The following FSTL5 variants were observed in gnomAD, a reference collection of about 807,000 sequenced individuals.
FSTL5 encodes the protein follistatin-related protein 5.
A neutral mutation model predicts 89.1 loss-of-function variants in FSTL5; 62 were observed. The observed-to-expected ratio is 0.70, with a 90% CI of 0.57 to 0.86. The LOEUF is 0.86. FSTL5 is among the 40% of genes least tolerant of loss of function. The pLI is 0.00. For missense variants in FSTL5, 1,057 were observed against 1,001.6 expected (o/e 1.06, Z -0.75); for synonymous variants, 383 against 346.2 (o/e 1.11, Z -1.18).
intron 2 of FSTL5, among the ~76,000 whole-genome samples, chr4:162,090,709 T>C (rs1730516053): frequency 6.6e-6 from 1 of 151,898 alleles, no homozygotes; most frequent in South Asian, 2.1e-4. Flanking sequence ...TAATCCCAAC[T>C]ACTTGGGTGG....
At chr4:161,842,496 T>C (rs530404330) in intron 4 of FSTL5, among the ~76,000 whole-genome samples, 4 of 152,294 alleles carry the variant, frequency 2.6e-5, no homozygotes, top group African/African-American at 4.8e-5. Flanking sequence ...TTACCATACA[T>C]TTTATTTCAA....
At chr4:162,055,836 A>C (rs1470208345) in intron 2 of FSTL5, among the ~76,000 whole-genome samples, 1 of 151,912 alleles carries the variant, frequency 6.6e-6, no homozygotes, top group Non-Finnish European at 1.5e-5. Flanking sequence ...GTGGCACTGC[A>C]AGTCACTGGG....
At chr4:161,726,227 C>CTTTTTT (rs5863477) in intron 6 of FSTL5, among the ~76,000 whole-genome samples, 46 of 113,668 alleles carry the variant, frequency 4.0e-4, no homozygotes, top group African/African-American at 6.9e-4. Context: ...TTTTCTTTTT[C>CTTTTTT]TTTTTTTTTT....
chr4:161,674,060 A>G (rs1737215853), intron 6 of FSTL5, among the ~76,000 whole-genome samples: 1 of 152,040 alleles, frequency 6.6e-6, no homozygotes, highest in Non-Finnish European at 1.5e-5. Context: ...AAGGAAACAG[A>G]AGGGTTACTG....
intron 11 of FSTL5, among the ~76,000 whole-genome samples, chr4:161,500,761 T>G (rs991943487): frequency 2.0e-5 from 3 of 152,186 alleles, no homozygotes; most frequent in African/African-American, 4.8e-5. Context: ...AATGTTTAAA[T>G]CATACTTTTC....
chr4:161,455,562 A>C (rs1229402802), intron 14 of FSTL5, among the ~76,000 whole-genome samples: 5 of 152,166 alleles, frequency 3.3e-5, no homozygotes, highest in Non-Finnish European at 7.4e-5. Context: ...TTAAATTTTT[A>C]AAATCTTGGA....
At chr4:162,002,540 C>A (rs1243633626) in intron 3 of FSTL5, among the ~76,000 whole-genome samples, 1 of 152,122 alleles carries the variant, frequency 6.6e-6, no homozygotes, top group African/African-American at 2.4e-5. Flanking sequence ...AAACAACTGG[C>A]TAACAATGCA....
chr4:161,644,526 CA>C (rs34645648), intron 7 of FSTL5, among the ~76,000 whole-genome samples: 167 of 133,788 alleles, frequency 1.2e-3, no homozygotes, highest in South Asian at 2.1e-3. Context: ...AACTCTGTCT[CA>C]AAAAAAAAAA....
chr4:162,015,124 G>A (rs1313842341), intron 3 of FSTL5, among the ~76,000 whole-genome samples: 1 of 152,120 alleles, frequency 6.6e-6, no homozygotes, highest in African/African-American at 2.4e-5. Context: ...CACAGAGGTA[G>A]AACTTACAGA....
intron 6 of FSTL5, among the ~76,000 whole-genome samples, chr4:161,664,095 T>C (rs1490270901): frequency 1.3e-5 from 2 of 152,180 alleles, no homozygotes; most frequent in Non-Finnish European, 2.9e-5. Context: ...CACCTGTTCC[T>C]CCTGGGCCTC....
At chr4:161,833,895 T>A (rs898436525) in intron 4 of FSTL5, among the ~76,000 whole-genome samples, 1 of 152,104 alleles carries the variant, frequency 6.6e-6, no homozygotes, top group Non-Finnish European at 1.5e-5. Flanking sequence ...AAAGTTAATA[T>A]TGTGATGTGT....
chr4:161,512,525 A>C (rs1023568360), intron 10 of FSTL5, among the ~76,000 whole-genome samples: 1 of 152,144 alleles, frequency 6.6e-6, no homozygotes, highest in Non-Finnish European at 1.5e-5. Flanking sequence ...AGAAATGAGT[A>C]AGAATAAATG....
At chr4:161,962,019 T>C (rs1178367257) in intron 3 of FSTL5, among the ~76,000 whole-genome samples, 2 of 151,944 alleles carry the variant, frequency 1.3e-5, no homozygotes, top group African/African-American at 4.8e-5. Context: ...CATATTATTA[T>C]AGCTATATTA....
intron 4 of FSTL5, among the ~76,000 whole-genome samples, chr4:161,776,935 C>G (rs1741432179): frequency 6.6e-6 from 1 of 151,822 alleles, no homozygotes; most frequent in African/African-American, 2.4e-5. Context: ...AACTACAGTT[C>G]CCCTGTTTTC....
chr4:161,641,974 G>C (rs905668106), intron 7 of FSTL5, among the ~76,000 whole-genome samples: 1 of 152,030 alleles, frequency 6.6e-6, no homozygotes, highest in East Asian at 1.9e-4. Context: ...AAGGCATATA[G>C]AAAACAAATA....
intron 2 of FSTL5, among the ~76,000 whole-genome samples, chr4:162,073,709 T>G (rs1012274312): frequency 1.3e-5 from 2 of 151,752 alleles, no homozygotes; most frequent in Non-Finnish European, 2.9e-5. Flanking sequence ...GGTAGGGAAA[T>G]TAATAGTTCT....
intron 7 of FSTL5, among the ~76,000 whole-genome samples, chr4:161,622,391 G>A (rs1735167042): frequency 6.6e-6 from 1 of 152,046 alleles, no homozygotes; most frequent in Non-Finnish European, 1.5e-5. Context: ...TGAAGTCAGT[G>A]AAAGCTTGAC....
In FSTL5 at chr4:161,746,973, C is replaced by T. The variant is rs147520169; in HGVS notation, c.727+12438G>A. ...ATTGTCCCCAAGGACTCTTATTCAG[C>T]GGCGTATGTAATTCAAAAGTGATCT... is the stretch of plus-strand genomic sequence containing the variant. On this transcript the variant is annotated intron_variant, in intron 6 of 15. Transcript: ENST00000306100. Among the ~76,000 whole-genome samples the T allele has an allele frequency of 1.2e-3, 177 of 152,224 alleles. 1 individual carries two copies. The highest frequency in any genetic ancestry group is 3.9e-3 in the African/African-American group (162 of 41,538).
chr4:161,669,779 G>A (rs976263707), intron 6 of FSTL5, among the ~76,000 whole-genome samples: 1 of 151,996 alleles, frequency 6.6e-6, no homozygotes, highest in Non-Finnish European at 1.5e-5. Flanking sequence ...ATTTTTCATA[G>A]ATACTAATTA....
Sources: allele counts gnomAD v4.1 joint callset (sites outside exome capture counted in the v4.1 genomes callset), GRCh38; gene constraint gnomAD v4.1.1; transcripts MANE v1.5; gene names NCBI Gene and HGNC (gene_info 2026-07-23, HGNC 2026-07-21).